Variants in UBE3D observed in about 807,000 individuals in gnomAD.
The protein encoded by UBE3D is ubiquitin protein ligase E3D.
A neutral mutation model predicts 49.6 loss-of-function variants in UBE3D; 48 were observed. The ratio of observed to expected loss-of-function variants is 0.97; its 90% CI spans 0.77 to 1.23. UBE3D has a LOEUF of 1.23. Among genes scored for constraint, UBE3D ranks in the 50% most tolerant of loss-of-function variants. The probability of loss-of-function intolerance (pLI) is 0.00; values close to 1 mark genes in which losing one functional copy is unlikely to be tolerated. For synonymous variants in UBE3D, 189 were observed against 174.2 expected, an observed-to-expected ratio of 1.08 and a Z score of -0.67; for missense variants, 452 against 468.4, an observed-to-expected ratio of 0.96 and a Z score of 0.32.
At chr6:82,953,962 A>G (rs910695875) in intron 9 of UBE3D, among the ~76,000 whole-genome samples, 13 of 152,324 alleles carry the variant, frequency 8.5e-5, no homozygotes, top group Non-Finnish European at 1.8e-4. Flanking sequence ...TTCTCCCAGT[A>G]GCAGGGAAAA....
intron 8 of UBE3D, among the ~76,000 whole-genome samples, chr6:82,996,253 G>T (rs1238502467): frequency 1.3e-5 from 2 of 152,034 alleles, no homozygotes; most frequent in African/African-American, 4.8e-5. Context: ...GTTAGGCAAA[G>T]GGACATGAGA....
chr6:83,000,922 G>A lies in UBE3D; in HGVS notation c.1010+18051C>T, dbSNP rs534095207. The stretch of plus-strand genomic sequence containing the variant: ...TGCAATGGGGCGCTCTCGGCTTACC[G>A]CAACCTCCGCCTCCTGGGTTCAAGT... On this transcript the variant is annotated intron_variant, in intron 8 of 9. Transcript: ENST00000369747. 5.3e-5 allele frequency among the ~76,000 whole-genome samples: 8 copies of A among 150,876 alleles called. No homozygotes were observed. The East Asian group carries it at 1.2e-3, about 22-fold the overall frequency.
intron 8 of UBE3D, among the ~76,000 whole-genome samples, chr6:82,964,362 G>T (rs1251705313): frequency 6.6e-6 from 1 of 152,104 alleles, no homozygotes; most frequent in Admixed American, 6.5e-5. Context: ...AATGACAATA[G>T]AAATGATATA....
chr6:82,937,993 GCACA>G (rs145017106), intron 9 of UBE3D, among the ~76,000 whole-genome samples: 1 of 151,566 alleles, frequency 6.6e-6, no homozygotes, highest in Non-Finnish European at 1.5e-5. Context: ...GTGTGCGCGC[GCACA>G]CACACACACA....
rs149264595 is a variant in UBE3D at position 83,040,247 on chromosome 6, C to T, written c.598-1762G>A. On this transcript the variant is annotated intron_variant, in intron 4 of 9. Transcript: ENST00000369747. ...AAAAATATAAAAATTAGCTGGGCGT[C>T]GTGGTGCGCGCTTGTAGTCCCAGCT... Among the ~76,000 whole-genome samples the T allele has an allele frequency of 2.7e-3, 410 of 151,896 alleles. 2 individuals carry two copies. Among genetic ancestry groups the T allele is most frequent in the African/African-American group, 8.5e-3 (351 of 41,412 alleles).
chr6:82,966,575 G>A (rs1776946116), intron 8 of UBE3D, among the ~76,000 whole-genome samples: 2 of 123,774 alleles, frequency 1.6e-5, no homozygotes, highest in South Asian at 5.3e-4. Flanking sequence ...GCGTGAACCC[G>A]GGAGGCGGAG....
At chr6:82,926,350 T>C (rs1472690822) in intron 9 of UBE3D, among the ~76,000 whole-genome samples, 1 of 152,180 alleles carries the variant, frequency 6.6e-6, no homozygotes, top group African/African-American at 2.4e-5. Context: ...TATCATAGTT[T>C]ATCCATTCAC....
intron 2 of UBE3D, among the ~76,000 whole-genome samples, chr6:83,054,739 C>T (rs1783703226): frequency 6.6e-6 from 1 of 152,018 alleles, no homozygotes; most frequent in South Asian, 2.1e-4. Context: ...GCAATCTCTG[C>T]CTCCTGGGTT....
chr6:82,919,567 G>T lies in UBE3D; in HGVS notation c.1150-26525C>A, dbSNP rs1024107891. ...GCCAAGATCACACCACTGCACTCCA[G>T]CCTGGGCGACACAGCAAGACTCAGT... On this transcript the variant is annotated intron_variant, in intron 9 of 9. Coordinates refer to ENST00000369747, the MANE Select transcript of UBE3D (RefSeq NM_198920.3). Among the ~76,000 whole-genome samples the T allele has an allele frequency of 9.9e-5, 15 of 151,966 alleles. 1 individual carries two copies. The highest frequency in any genetic ancestry group is 9.2e-4 in the Admixed American group (14 of 15,252).
At chr6:82,964,069 C>A (rs1449446490) in intron 8 of UBE3D, among the ~76,000 whole-genome samples, 2 of 152,146 alleles carry the variant, frequency 1.3e-5, no homozygotes, top group South Asian at 2.1e-4. Flanking sequence ...GAACTGTCAG[C>A]CAGATGACCT....
chr6:82,996,544 G>T (rs1452192497), intron 8 of UBE3D, among the ~76,000 whole-genome samples: 3 of 152,130 alleles, frequency 2.0e-5, no homozygotes, highest in African/African-American at 7.2e-5. Flanking sequence ...GTGTGGGCTG[G>T]ATTTAGTGAC....
chr6:82,982,992 T>C (rs749141875), intron 8 of UBE3D, among the ~76,000 whole-genome samples: 13 of 151,990 alleles, frequency 8.6e-5, no homozygotes, highest in Admixed American at 3.3e-4. Flanking sequence ...GAAATTTCTC[T>C]CTTTTTTTCT....
At chr6:82,976,839 G>C (rs1245816390) in intron 8 of UBE3D, among the ~76,000 whole-genome samples, 1 of 152,108 alleles carries the variant, frequency 6.6e-6, no homozygotes, top group African/African-American at 2.4e-5. Flanking sequence ...GGTAGGCCGG[G>C]CACAGTGGCT....
At chr6:82,996,258 A>G (rs1484530862) in intron 8 of UBE3D, among the ~76,000 whole-genome samples, 2 of 152,106 alleles carry the variant, frequency 1.3e-5, no homozygotes, top group Non-Finnish European at 2.9e-5. Flanking sequence ...GCAAAGGGAC[A>G]TGAGAGTCAA....
intron 9 of UBE3D, among the ~76,000 whole-genome samples, chr6:82,908,161 T>C (rs1167295595): frequency 1.3e-5 from 2 of 151,976 alleles, no homozygotes; most frequent in Admixed American, 6.6e-5. Context: ...TGATAGAAAA[T>C]AGAGACAATG....
At chr6:83,010,200 T>A (rs1440189267) in intron 8 of UBE3D, among the ~76,000 whole-genome samples, 1 of 152,118 alleles carries the variant, frequency 6.6e-6, no homozygotes, top group East Asian at 1.9e-4. Flanking sequence ...TTAAGGTTAA[T>A]CACGAATAAT....
chr6:83,027,461 A>AAAAAAAAAAAAAG (rs1781561076), intron 5 of UBE3D, among the ~76,000 whole-genome samples: 1 of 148,154 alleles, frequency 6.7e-6, no homozygotes, highest in Non-Finnish European at 1.5e-5. Context: ...AAAAAAAAAA[A>AAAAAAAAAAAAAG]GAAACCACTA....
intron 4 of UBE3D, among the ~76,000 whole-genome samples, chr6:83,039,374 A>T (rs1782486697): frequency 6.6e-6 from 1 of 152,214 alleles, no homozygotes; most frequent in Non-Finnish European, 1.5e-5. Context: ...AAGGAAAAAA[A>T]TTTTAACTGA....
chr6:83,031,251 C>A (rs1781847864), intron 5 of UBE3D, among the ~76,000 whole-genome samples: 1 of 152,202 alleles, frequency 6.6e-6, no homozygotes, highest in Non-Finnish European at 1.5e-5. Context: ...TCAAGTGATC[C>A]ACCTGCCTCG....
Sources: gnomAD v4.1 joint callset for allele counts (sites outside exome capture counted in the v4.1 genomes callset) on GRCh38, gnomAD v4.1.1 for gene constraint, MANE v1.5 for transcripts, NCBI Gene and HGNC (gene_info 2026-07-23, HGNC 2026-07-21) for gene names.